Variants in ACER3 observed in about 807,000 individuals in gnomAD.
ACER3 encodes the protein alkaline ceramidase 3.
In ACER3, 16 loss-of-function variants were observed where a neutral mutation model predicts 48.9. The observed-to-expected ratio is 0.33, with a 90% confidence interval of 0.22 to 0.50. The LOEUF (loss-of-function observed/expected upper bound fraction) is 0.50, where lower values mean the gene tolerates loss of function less well. ACER3 is among the 20% of genes least tolerant of loss of function. The probability of loss-of-function intolerance (pLI) is 0.98; values close to 1 mark genes in which losing one functional copy is unlikely to be tolerated. For missense variants in ACER3, 227 were observed against 326.0 expected (o/e 0.70, Z 2.34); for synonymous variants, 109 against 107.8 (o/e 1.01, Z -0.07).
chr11:76,914,773 A>G (rs977266079), intron 1 of ACER3, among the ~76,000 whole-genome samples: 15 of 152,314 alleles, frequency 9.8e-5, no homozygotes, highest in Middle Eastern at 3.4e-3. Context: ...ACTATTCACA[A>G]TAGCAAAGAC....
intron 1 of ACER3, among the ~76,000 whole-genome samples, chr11:76,873,991 C>T (rs776369262): frequency 1.8e-4 from 27 of 152,198 alleles, no homozygotes; most frequent in Non-Finnish European, 3.7e-4. Context: ...AAAAAACTCA[C>T]CTGGAGAGTT....
chr11:77,002,325 G>A (rs1273704833), intron 7 of ACER3, among the ~76,000 whole-genome samples: 1 of 152,070 alleles, frequency 6.6e-6, no homozygotes, highest in Non-Finnish European at 1.5e-5. Flanking sequence ...ATGGGTGTTG[G>A]ATTTTGTCAA....
At position 76,981,037 on chromosome 11, in the gene ACER3, G is replaced by A. The variant is rs150581872; in HGVS notation, c.321-4606G>A. The stretch of plus-strand genomic sequence containing the variant: ...CAGAAACAAGCAGCTTTCATGTGAT[G>A]TGATTAATACTATACCTGAGACATA... On this transcript the variant is annotated intron_variant, in intron 4 of 10. Transcript: ENST00000532485. Among the ~76,000 whole-genome samples the A allele has an allele frequency of 7.4e-3, 1,128 of 152,300 alleles. 7 individuals carry two copies. Among genetic ancestry groups the A allele is most frequent in the African/African-American group, 0.026 (1,060 of 41,562 alleles).
Position 76,963,805 on chromosome 11 carries a change from A to G in ACER3, c.267+4774A>G, listed in dbSNP as rs751313801. Reference sequence around the variant, plus strand: ...GTCAGGTTGAAAAGTAAGCCACATTATGCTGCGTTAAGAAAAGAAACCTGG... The same window carrying G: ...GTCAGGTTGAAAAGTAAGCCACATTGTGCTGCGTTAAGAAAAGAAACCTGG... On this transcript the variant is annotated intron_variant, in intron 3 of 10. Transcript: ENST00000532485. Among the ~76,000 whole-genome samples, 46 of 151,470 alleles carry G rather than the reference A, an allele frequency of 3.0e-4. 1 individual carries two copies. Among genetic ancestry groups the G allele is most frequent in the South Asian group, 6.2e-4 (3 of 4,834 alleles).
intron 1 of ACER3, among the ~76,000 whole-genome samples, chr11:76,891,034 G>A (rs1390229478): frequency 2.0e-5 from 3 of 151,746 alleles, no homozygotes; most frequent in Non-Finnish European, 2.9e-5. Context: ...CACGAGAATC[G>A]CTTGAACCCA....
intron 1 of ACER3, among the ~76,000 whole-genome samples, chr11:76,894,906 C>T (rs1945891653): frequency 3.3e-5 from 5 of 152,198 alleles, no homozygotes; most frequent in Admixed American, 6.5e-5. Flanking sequence ...TGCTTCATCT[C>T]TGGATTGAAT....
At chr11:76,879,066 C>G (rs988228241) in intron 1 of ACER3, among the ~76,000 whole-genome samples, 7 of 152,010 alleles carry the variant, frequency 4.6e-5, no homozygotes, top group Non-Finnish European at 1.0e-4. Flanking sequence ...GAATATAAGT[C>G]CATTTGCCAA....
At chr11:76,983,987 A>G (rs1045048163) in intron 4 of ACER3, among the ~76,000 whole-genome samples, 1 of 151,812 alleles carries the variant, frequency 6.6e-6, no homozygotes, top group Non-Finnish European at 1.5e-5. Flanking sequence ...ATGGGGTTTC[A>G]CTGTGTTGGC....
In ACER3 at chr11:77,012,858, T is replaced by G. The variant is rs376563182; in HGVS notation, c.498-2158T>G. Among the ~76,000 whole-genome samples, 5 of 152,288 alleles carry G rather than the reference T, an allele frequency of 3.3e-5. No individual in the cohort carries two copies. The East Asian group carries it at 9.6e-4, about 29-fold the overall frequency. ...AACAGTTTTTGAAAAGGAACAAAGT[T>G]AGAGGGCTTGCATGACTTGACTTAC... On this transcript the variant is annotated intron_variant, in intron 7 of 10. Transcript: ENST00000532485.
At chr11:76,964,168 C>A (rs1948074281) in intron 3 of ACER3, among the ~76,000 whole-genome samples, 1 of 151,454 alleles carries the variant, frequency 6.6e-6, no homozygotes, top group Admixed American at 6.6e-5. Context: ...GAGATTATAT[C>A]CCGCACCTGG....
At chr11:76,946,634 G>A (rs1947481214) in intron 2 of ACER3, among the ~76,000 whole-genome samples, 1 of 152,178 alleles carries the variant, frequency 6.6e-6, no homozygotes. Context: ...AGTCTCAACA[G>A]TAGCCACAAG....
At chr11:76,882,862 A>C (rs1945562863) in intron 1 of ACER3, among the ~76,000 whole-genome samples, 1 of 152,146 alleles carries the variant, frequency 6.6e-6, no homozygotes, top group Admixed American at 6.5e-5. Context: ...CTTTAGCTGA[A>C]CTTCTTTCAA....
At chr11:77,006,494 C>T (rs534736884) in intron 7 of ACER3, among the ~76,000 whole-genome samples, 77 of 152,110 alleles carry the variant, frequency 5.1e-4, no homozygotes, top group Non-Finnish European at 1.0e-3. Context: ...TAGAGAACTT[C>T]CTTTAGCCAT....
chr11:76,990,186 T>C (rs1182033337), intron 5 of ACER3, among the ~76,000 whole-genome samples: 1 of 152,202 alleles, frequency 6.6e-6, no homozygotes, highest in Non-Finnish European at 1.5e-5. Context: ...TCCGGTGTTC[T>C]CTCTGTTGTA....
chr11:77,020,463 C>A lies in ACER3; in HGVS notation c.*136C>A. ...AGGAGTGACTTTCTGACTAATGCTG[C>A]CACCCACACAGAGAATAAGGAGTAG... On this transcript the variant is annotated 3_prime_UTR_variant, in exon 11 of 11. Transcript: ENST00000532485. 1.1e-6 allele frequency: 1 copy of A among 935,138 alleles called. No homozygotes were observed. Among genetic ancestry groups the A allele is most frequent in the Non-Finnish European group, 1.6e-6 (1 of 625,124 alleles). 57.9% of individuals were successfully genotyped at this position (935,138 alleles called of 1,614,324 possible).
chr11:76,899,433 T>C (rs2134660399), intron 1 of ACER3, among the ~76,000 whole-genome samples: 1 of 152,358 alleles, frequency 6.6e-6, no homozygotes, highest in South Asian at 2.1e-4. Context: ...ATTTGGAATA[T>C]CAGTTGGAAA....
chr11:76,972,280 TC>T (rs5792750), intron 3 of ACER3, among the ~76,000 whole-genome samples: 8,275 of 152,268 alleles, frequency 0.054, 326 homozygotes, highest in Admixed American at 0.13. Context: ...AGTATAGCCA[TC>T]TTGTGGGTAT....
intron 1 of ACER3, among the ~76,000 whole-genome samples, chr11:76,864,847 G>GC (rs34146458): frequency 0.57 from 86,153 of 149,890 alleles, 27,912 homozygotes; most frequent in Non-Finnish European, 0.74. Context: ...TGATCCACCT[G>GC]TTCAGCCTCC....
chr11:77,017,455 C>T (rs1336618195), intron 9 of ACER3, among the ~76,000 whole-genome samples: 2 of 152,104 alleles, frequency 1.3e-5, no homozygotes, highest in Non-Finnish European at 2.9e-5. Context: ...TCAAAACATT[C>T]ATAAAAGAAA....
Sources: gnomAD v4.1 joint callset for allele counts (sites outside exome capture counted in the v4.1 genomes callset) on GRCh38, gnomAD v4.1.1 for gene constraint, MANE v1.5 for transcripts, NCBI Gene and HGNC (gene_info 2026-07-23, HGNC 2026-07-21) for gene names.